GLMN: variants seen among roughly 807,000 people sequenced by gnomAD.
GLMN encodes the protein glomulin.
A neutral mutation model predicts 87.8 loss-of-function variants in GLMN; 75 were observed. That is an observed-to-expected ratio of 0.85 (90% CI 0.71 to 1.04). The LOEUF is 1.04. Ranked by LOEUF, GLMN falls within the 50% of genes least tolerant of loss-of-function variation. The probability of loss-of-function intolerance (pLI) is 0.00; values close to 1 mark genes in which losing one functional copy is unlikely to be tolerated. For synonymous variants in GLMN, 206 were observed against 221.6 expected (o/e 0.93, Z 0.63); for missense variants, 588 against 658.8 (o/e 0.89, Z 1.18).
intron 16 of GLMN, among the ~76,000 whole-genome samples, chr1:92,262,644 G>C (rs1655181340): frequency 6.6e-6 from 1 of 152,208 alleles, no homozygotes; most frequent in African/African-American, 2.4e-5. Context: ...CAGCAAGAAA[G>C]CAGACGTACA....
the GLMN span, among the ~76,000 whole-genome samples, chr1:92,365,536 T>C: frequency 9.2e-5 from 14 of 152,326 alleles, no homozygotes; most frequent in South Asian, 4.1e-4. Context: ...CTAGTGCACA[T>C]TGGTGTGCTA....
At chr1:92,344,998 G>A in the GLMN span, among the ~76,000 whole-genome samples, 1 of 152,014 alleles carries the variant, frequency 6.6e-6, no homozygotes, top group African/African-American at 2.4e-5. Flanking sequence ...TGACTACAGA[G>A]TTTTTTGTTG....
At chr1:92,315,179 A>T in the GLMN span, among the ~76,000 whole-genome samples, 1 of 152,302 alleles carries the variant, frequency 6.6e-6, no homozygotes, top group Non-Finnish European at 1.5e-5. Context: ...TAAAGTTACT[A>T]ATTGGCCTAA....
At chr1:92,282,191 G>A (rs1056306978) in intron 7 of GLMN, among the ~76,000 whole-genome samples, 12 of 151,990 alleles carry the variant, frequency 7.9e-5, no homozygotes, top group South Asian at 2.1e-4. Context: ...GCACCATATC[G>A]CACTTATTCT....
chr1:92,249,099 C>T (rs1351903875), intron 16 of GLMN, among the ~76,000 whole-genome samples: 2 of 151,894 alleles, frequency 1.3e-5, no homozygotes, highest in Non-Finnish European at 1.5e-5. Flanking sequence ...CATTAAAATA[C>T]TGTTTTTCAG....
At chr1:92,355,597 A>G in the GLMN span, among the ~76,000 whole-genome samples, 1 of 152,204 alleles carries the variant, frequency 6.6e-6, no homozygotes, top group African/African-American at 2.4e-5. Flanking sequence ...TTCTATGGAA[A>G]GATTTCAGAG....
chr1:92,331,583 T>G, the GLMN span, among the ~76,000 whole-genome samples: 3 of 152,190 alleles, frequency 2.0e-5, no homozygotes, highest in African/African-American at 7.2e-5. Context: ...TATTGCTTCC[T>G]GGACAATTAG....
chr1:92,336,303 C>T, the GLMN span: 1 of 1,390,570 alleles, frequency 7.2e-7, no homozygotes. Context: ...AAAAAGTTTC[C>T]ATATAATTTT....
chr1:92,287,368 A>C (rs886867710), intron 6 of GLMN, among the ~76,000 whole-genome samples: 2 of 152,018 alleles, frequency 1.3e-5, no homozygotes, highest in African/African-American at 4.8e-5. Flanking sequence ...TTTTTGAGAC[A>C]GGGTGTCTGT....
At chr1:92,307,310 A>G in the GLMN span, 1 of 1,356,876 alleles carries the variant, frequency 7.4e-7, no homozygotes, top group South Asian at 1.3e-5. Context: ...ACATTTGTTC[A>G]TATATTCTAA....
the GLMN span, among the ~76,000 whole-genome samples, chr1:92,341,642 A>G: frequency 2.0e-5 from 3 of 152,314 alleles, no homozygotes; most frequent in South Asian, 6.2e-4. Flanking sequence ...TTTGAGTATA[A>G]TAGAAAAGGA....
At chr1:92,294,353 G>A (rs775313035) in intron 3 of GLMN, among the ~76,000 whole-genome samples, 3 of 152,022 alleles carry the variant, frequency 2.0e-5, no homozygotes, top group Non-Finnish European at 4.4e-5. Context: ...TAGAGTATAC[G>A]ATACAGTAGT....
At chr1:92,288,448 A>G (rs1259102628) in intron 6 of GLMN, among the ~76,000 whole-genome samples, 1 of 152,158 alleles carries the variant, frequency 6.6e-6, no homozygotes, top group Non-Finnish European at 1.5e-5. Flanking sequence ...AATTTCTTAA[A>G]GACAGGGTCT....
intron 8 of GLMN, 47 bp downstream of exon 8, chr1:92,271,418 T>C (rs773103659): frequency 3.6e-6 from 5 of 1,399,884 alleles, no homozygotes; most frequent in Admixed American, 1.7e-5. Flanking sequence ...GAGAATTTTA[T>C]GAAATTCCTT....
intron 2 of GLMN, 140 bp from the exon 3 acceptor site, chr1:92,297,669 C>G (rs1027709048): frequency 4.0e-6 from 3 of 758,962 alleles, no homozygotes; most frequent in Middle Eastern, 3.9e-4. Flanking sequence ...AAATAACACA[C>G]GTATCAAAAT....
At chr1:92,347,786 A>C in the GLMN span, among the ~76,000 whole-genome samples, 2 of 152,184 alleles carry the variant, frequency 1.3e-5, no homozygotes, top group Non-Finnish European at 2.9e-5. Context: ...AACTTTGGAT[A>C]TAATGTAGGG....
chr1:92,297,772 G>C (rs1202692968), intron 2 of GLMN, 189 bp downstream of exon 2: 22 of 627,224 alleles, frequency 3.5e-5, no homozygotes, highest in Non-Finnish European at 2.0e-5. Flanking sequence ...AATGTAAAAG[G>C]TTATTTAGAT....
intron 7 of GLMN, among the ~76,000 whole-genome samples, chr1:92,285,536 C>T (rs1417207116): frequency 6.6e-6 from 1 of 152,148 alleles, no homozygotes; most frequent in Non-Finnish European, 1.5e-5. Flanking sequence ...ATGGGTGCAG[C>T]AAACCAACAT....
At position 92,266,452 on chromosome 1, in the gene GLMN, T is replaced by C. The variant is rs1384743047; in HGVS notation, c.1181A>G (p.Lys394Arg). ...TGTATATTTGCCTTGTGAATCCAAC[T>C]TGTTAATATACAGCTGAAGCATAGC... ...SLAMLQLYINKLDSQGKYTLF... is the reference protein window; with the variant it reads ...SLAMLQLYINRLDSQGKYTLF... Residue 394 changes from lysine to arginine, a missense_variant, in exon 13 of 19, where the codon AAG (lysine) becomes AGG (arginine). Physicochemically the swap from Lys to Arg is conservative, Grantham distance 26 (BLOSUM62 2). Transcript: ENST00000370360. The C allele has an allele frequency of 6.4e-7, 1 of 1,573,294 alleles. No individual in the cohort carries two copies. The highest frequency in any genetic ancestry group is 8.7e-7 in the Non-Finnish European group (1 of 1,143,592).
Sources: allele counts gnomAD v4.1 joint callset (sites outside exome capture counted in the v4.1 genomes callset), GRCh38; gene constraint gnomAD v4.1.1; transcripts MANE v1.5; gene names NCBI Gene and HGNC (gene_info 2026-07-23, HGNC 2026-07-21).